CFAP54: variants seen among roughly 807,000 people sequenced by gnomAD.
The protein encoded by CFAP54 is cilia and flagella associated protein 54, also known as cilia- and flagella-associated protein 54.
Under a neutral mutation model 370.4 loss-of-function variants are expected in CFAP54, and 290 were observed. That is an observed-to-expected ratio of 0.78 (90% confidence interval 0.71 to 0.86). The LOEUF (loss-of-function observed/expected upper bound fraction) is 0.86. Among genes scored for constraint, CFAP54 ranks in the 40% least tolerant of loss-of-function variants. The pLI is 0.00. For missense variants in CFAP54, 3,399 were observed against 3,528.7 expected, an observed-to-expected ratio of 0.96 and a Z score of 0.93; for synonymous variants, 1,206 against 1,236.5, an observed-to-expected ratio of 0.98 and a Z score of 0.52.
intron 60 of CFAP54, among the ~76,000 whole-genome samples, chr12:96,780,771 A>C (rs924863966): frequency 6.6e-6 from 1 of 152,168 alleles, no homozygotes; most frequent in Non-Finnish European, 1.5e-5. Context: ...CAGATGGGGA[A>C]GTTCAGGCCA....
chr12:96,576,447 A>T (rs975038670), intron 19 of CFAP54, 138 bp from the exon 20 acceptor site: 4 of 585,530 alleles, frequency 6.8e-6, no homozygotes, highest in Non-Finnish European at 1.1e-5. Flanking sequence ...TGAAATATAT[A>T]TGTATATATT....
At chr12:96,869,242 T>C (rs889305392) in intron 67 of CFAP54, among the ~76,000 whole-genome samples, 5 of 152,242 alleles carry the variant, frequency 3.3e-5, no homozygotes, top group African/African-American at 1.2e-4. Context: ...GTGTTTTTTT[T>C]TCTTAGAACA....
chr12:96,826,035 T>G (rs1313968217), intron 65 of CFAP54, among the ~76,000 whole-genome samples: 1 of 144,492 alleles, frequency 6.9e-6, no homozygotes, highest in Non-Finnish European at 1.5e-5. Context: ...TAGATATTAA[T>G]ATATTATATA....
intron 17 of CFAP54, among the ~76,000 whole-genome samples, chr12:96,555,774 A>G (rs920653450): frequency 1.3e-5 from 2 of 151,850 alleles, no homozygotes; most frequent in Non-Finnish European, 2.9e-5. Flanking sequence ...GATTGTGTTT[A>G]TTGATAAGAA....
chr12:96,711,483 ACT>A (rs1417212862), intron 48 of CFAP54, among the ~76,000 whole-genome samples: 1 of 152,058 alleles, frequency 6.6e-6, no homozygotes, highest in East Asian at 1.9e-4. Context: ...TAAGCTAGAG[ACT>A]CTGTCCCACA....
intron 39 of CFAP54, 94 bp downstream of exon 39, chr12:96,664,026 G>T: frequency 1.1e-6 from 1 of 930,696 alleles, no homozygotes; most frequent in Non-Finnish European, 1.7e-6. Flanking sequence ...TAGTATGTTT[G>T]TAAAAATGTA....
chr12:96,516,149 T>G (rs1199222037), intron 5 of CFAP54, among the ~76,000 whole-genome samples: 4 of 152,010 alleles, frequency 2.6e-5, no homozygotes, highest in African/African-American at 9.7e-5. Context: ...TCTCCTGACC[T>G]CGTGATCCAC....
chr12:96,812,476 A>C (rs1297252040), intron 64 of CFAP54, among the ~76,000 whole-genome samples: 1 of 151,830 alleles, frequency 6.6e-6, no homozygotes, highest in Non-Finnish European at 1.5e-5. Context: ...TTTATTACTT[A>C]GTTTATTTTT....
chr12:96,828,934 A>G (rs1959157927), intron 65 of CFAP54, 80 bp from the exon 66 acceptor site: 1 of 701,904 alleles, frequency 1.4e-6, no homozygotes, highest in Non-Finnish European at 2.3e-6. Flanking sequence ...AAGACAAATG[A>G]AATAGTTTAT....
intron 9 of CFAP54, among the ~76,000 whole-genome samples, chr12:96,533,007 C>T (rs986421834): frequency 6.6e-6 from 1 of 152,168 alleles, no homozygotes; most frequent in Middle Eastern, 3.4e-3. Flanking sequence ...TTTCATTGTT[C>T]CTAAGTATTT....
chr12:96,861,595 T>G (rs1959881184), intron 67 of CFAP54, among the ~76,000 whole-genome samples: 1 of 152,216 alleles, frequency 6.6e-6, no homozygotes, highest in South Asian at 2.1e-4. Flanking sequence ...AGCTTTAGAA[T>G]TGTATAGACC....
intron 65 of CFAP54, among the ~76,000 whole-genome samples, chr12:96,823,208 G>C (rs377238078): frequency 7.2e-5 from 11 of 152,234 alleles, no homozygotes; most frequent in African/African-American, 2.6e-4. Context: ...AGCTCACACA[G>C]CATTTTCTAG....
At position 96,622,853 on chromosome 12, in the gene CFAP54, G is replaced by A. The variant is rs147082678; in HGVS notation, c.3772-914G>A. Among the ~76,000 whole-genome samples the A allele has an allele frequency of 4.1e-3, 618 of 152,240 alleles. 4 individuals carry two copies. Among genetic ancestry groups the A allele is most frequent in the African/African-American group, 0.014 (575 of 41,534 alleles). ...ACTGTTTTACTGGATGACTTTTTAA[G>A]CTATAATACTTTTTTTTTTCCTAGT... On this transcript the variant is annotated intron_variant, in intron 27 of 67. Transcript: ENST00000524981.
At chr12:96,743,130 C>G (rs1403569162) in intron 52 of CFAP54, among the ~76,000 whole-genome samples, 1 of 152,108 alleles carries the variant, frequency 6.6e-6, no homozygotes, top group Non-Finnish European at 1.5e-5. Context: ...ATTTGTATAC[C>G]TATCTATTCA....
chr12:96,676,422 TC>T (rs1374858382), intron 39 of CFAP54, among the ~76,000 whole-genome samples: 2 of 151,922 alleles, frequency 1.3e-5, no homozygotes, highest in Non-Finnish European at 2.9e-5. Context: ...ATATTTGTGG[TC>T]CCCCCCACCT....
intron 66 of CFAP54, among the ~76,000 whole-genome samples, chr12:96,839,647 G>T (rs1959199314): frequency 6.6e-6 from 1 of 152,216 alleles, no homozygotes; most frequent in East Asian, 1.9e-4. Flanking sequence ...TTACTTATTG[G>T]GAAGGGCATA....
chr12:96,642,576 GTT>G (rs1185530315), intron 32 of CFAP54, among the ~76,000 whole-genome samples: 1 of 152,106 alleles, frequency 6.6e-6, no homozygotes, highest in Non-Finnish European at 1.5e-5. Context: ...ACTTTCCGGA[GTT>G]TTCTCTTTTT....
chr12:96,848,910 A>T (rs1001430752), intron 66 of CFAP54, among the ~76,000 whole-genome samples: 3 of 152,196 alleles, frequency 2.0e-5, no homozygotes, highest in African/African-American at 7.2e-5. Flanking sequence ...GTTGGATGCT[A>T]TTCCTGTTAG....
At chr12:96,738,921 T>C (rs1958015901) in intron 50 of CFAP54, among the ~76,000 whole-genome samples, 1 of 152,186 alleles carries the variant, frequency 6.6e-6, no homozygotes, top group African/African-American at 2.4e-5. Context: ...AAATCTCCCT[T>C]TTTACAGAAA....
Sources: gnomAD v4.1 joint callset for allele counts (sites outside exome capture counted in the v4.1 genomes callset) on GRCh38, gnomAD v4.1.1 for gene constraint, MANE v1.5 for transcripts, NCBI Gene and HGNC (gene_info 2026-07-23, HGNC 2026-07-21) for gene names.